CPNE4: variants seen among roughly 807,000 people sequenced by gnomAD.
CPNE4 encodes copine 4.
In CPNE4, 25 loss-of-function variants were observed where a neutral mutation model predicts 67.9. The observed-to-expected ratio is 0.37, with a 90% CI of 0.27 to 0.51. The LOEUF (loss-of-function observed/expected upper bound fraction) is 0.51, where lower values mean the gene tolerates loss of function less well. Ranked by LOEUF, CPNE4 falls within the 20% of genes least tolerant of loss-of-function variation. CPNE4 has a pLI of 0.93. For synonymous variants in CPNE4, 242 were observed against 244.9 expected (o/e 0.99, Z 0.11); for missense variants, 464 against 690.8 (o/e 0.67, Z 3.68).
intron 5 of CPNE4, among the ~76,000 whole-genome samples, chr3:131,692,126 T>C (rs1043780922): frequency 8.5e-5 from 13 of 152,138 alleles, no homozygotes; most frequent in African/African-American, 3.1e-4. Flanking sequence ...AAGAGGGTGA[T>C]AAGCAATTAG....
At position 131,643,845 on chromosome 3, in the gene CPNE4, G is replaced by A. The variant is rs977789136; in HGVS notation, c.681+25830C>T. Reference sequence around the variant, plus strand: ...TTGCTTGGCACTTCTCCTTGCTGCCGCCATGTGAAGAAGGACTTATTTGCC... The same window carrying A: ...TTGCTTGGCACTTCTCCTTGCTGCCACCATGTGAAGAAGGACTTATTTGCC... On this transcript the variant is annotated intron_variant, in intron 7 of 15. Transcript: ENST00000429747. Among the ~76,000 whole-genome samples the A allele has an allele frequency of 2.6e-5, 4 of 152,040 alleles. No individual in the cohort carries two copies. In the East Asian group the frequency reaches 5.8e-4, roughly 22 times the overall value.
At chr3:131,955,167 A>G (rs1285022410) in intron 1 of CPNE4, among the ~76,000 whole-genome samples, 1 of 151,660 alleles carries the variant, frequency 6.6e-6, no homozygotes, top group Non-Finnish European at 1.5e-5. Context: ...AAGGTAGATT[A>G]GTAGCAGTGG....
intron 7 of CPNE4, among the ~76,000 whole-genome samples, chr3:131,651,448 T>G (rs947243646): frequency 6.6e-6 from 1 of 152,234 alleles, no homozygotes; most frequent in African/African-American, 2.4e-5. Context: ...TACTATTTTG[T>G]TTTTCTCCTG....
chr3:131,597,659 A>C (rs985117798), intron 7 of CPNE4, among the ~76,000 whole-genome samples: 13 of 152,178 alleles, frequency 8.5e-5, no homozygotes, highest in Non-Finnish European at 1.6e-4. Flanking sequence ...TCTTGGCTTT[A>C]AAATTTTTAT....
rs201626382 is a variant in CPNE4, at chr3:131,777,532, GA to G, written c.181-53908del. Among the ~76,000 whole-genome samples the G allele has an allele frequency of 9.5e-3, 1,442 of 152,176 alleles. 20 individuals are homozygous for G. The highest frequency in any genetic ancestry group is 0.033 in the African/African-American group (1,369 of 41,534). On this transcript the variant is annotated intron_variant, in intron 2 of 15. Coordinates refer to ENST00000429747, the MANE Select transcript of CPNE4 (RefSeq NM_130808.3). Reference sequence around the variant, plus strand: ...CCTGCTGGAGGATGATCACATTGGAGAAAGAAGCTCAGAGGATCCCAGGAGA... The same window carrying G: ...CCTGCTGGAGGATGATCACATTGGAGAAGAAGCTCAGAGGATCCCAGGAGA...
chr3:131,641,404 T>C (rs1314839679), intron 7 of CPNE4, among the ~76,000 whole-genome samples: 1 of 151,972 alleles, frequency 6.6e-6, no homozygotes, highest in Non-Finnish European at 1.5e-5. Flanking sequence ...CCCAAGCATA[T>C]GGAAAAATGC....
chr3:132,017,220 A>G (rs1583602587), intron 1 of CPNE4, among the ~76,000 whole-genome samples: 1 of 152,170 alleles, frequency 6.6e-6, no homozygotes, highest in Non-Finnish European at 1.5e-5. Context: ...GAGCAGATGG[A>G]TATAAAGGAA....
chr3:131,696,581 A>G lies in CPNE4; in HGVS notation c.468T>C (p.Tyr156=), dbSNP rs1277792807. 1 of 1,614,066 alleles carries G rather than the reference A, an allele frequency of 6.2e-7. No individual in the cohort carries two copies. The highest frequency in any genetic ancestry group is 1.7e-5 in the Admixed American group (1 of 60,014). The change falls in exon 5 of 16, where the codon TAT becomes TAC. Residue 156 remains tyrosine (Y), a synonymous_variant. Coordinates refer to ENST00000429747, the MANE Select transcript of CPNE4 (RefSeq NM_130808.3). The part of the protein sequence containing the change: ...IAEELSGNDD[Y]VELAFNARKL... ...TCCGTGCATTGAATGCAAGCTCAACATAGTCGTCATTGCCAGATAATTCTT... is the reference window on the plus strand; with the variant it reads ...TCCGTGCATTGAATGCAAGCTCAACGTAGTCGTCATTGCCAGATAATTCTT...
chr3:131,940,788 A>T (rs2071362499), intron 1 of CPNE4, among the ~76,000 whole-genome samples: 1 of 152,150 alleles, frequency 6.6e-6, no homozygotes, highest in South Asian at 2.1e-4. Flanking sequence ...CCAGGAACAC[A>T]CAATTACAAG....
intron 2 of CPNE4, among the ~76,000 whole-genome samples, chr3:131,819,126 G>A (rs116538188): frequency 0.012 from 1,876 of 152,000 alleles, 21 homozygotes; most frequent in Admixed American, 0.019. Flanking sequence ...AACAAACCAG[G>A]CTTCAGACTC....
intron 6 of CPNE4, among the ~76,000 whole-genome samples, chr3:131,671,006 T>C (rs772278607): frequency 1.1e-4 from 17 of 152,192 alleles, no homozygotes; most frequent in Non-Finnish European, 2.4e-4. Flanking sequence ...CAGGCTGGTC[T>C]TGAACTACTG....
chr3:131,757,393 G>A (rs1303367662), intron 2 of CPNE4, among the ~76,000 whole-genome samples: 1 of 152,204 alleles, frequency 6.6e-6, no homozygotes, highest in Non-Finnish European at 1.5e-5. Context: ...GAGACTGGTG[G>A]CATTTTGCCC....
At chr3:131,741,912 C>G (rs143565314) in intron 2 of CPNE4, among the ~76,000 whole-genome samples, 4 of 152,090 alleles carry the variant, frequency 2.6e-5, no homozygotes, top group Admixed American at 2.6e-4. Context: ...AGTTCTTCCC[C>G]CATAAAAAGA....
At chr3:131,683,017 ACT>A in intron 6 of CPNE4, among the ~76,000 whole-genome samples, 1 of 151,908 alleles carries the variant, frequency 6.6e-6, no homozygotes, top group Non-Finnish European at 1.5e-5. Context: ...CAGGCATAGG[ACT>A]CTCTCTTCAG....
At chr3:131,959,553 G>C (rs1288770750) in intron 1 of CPNE4, among the ~76,000 whole-genome samples, 3 of 152,136 alleles carry the variant, frequency 2.0e-5, no homozygotes, top group Non-Finnish European at 2.9e-5. Flanking sequence ...TTCTTATCCA[G>C]GGACCACTGA....
chr3:131,723,381 G>A, intron 3 of CPNE4, 65 bp downstream of exon 3: 1 of 1,399,082 alleles, frequency 7.1e-7, no homozygotes, highest in Non-Finnish European at 1.0e-6. Flanking sequence ...AGGAAGAGAG[G>A]GAAAGGGGGC....
At chr3:131,851,143 G>T (rs1239186746) in intron 2 of CPNE4, among the ~76,000 whole-genome samples, 1 of 152,008 alleles carries the variant, frequency 6.6e-6, no homozygotes, top group Non-Finnish European at 1.5e-5. Context: ...ATGTATGTAT[G>T]TAAATACATA....
chr3:131,811,148 G>A (rs1293738312), intron 2 of CPNE4, among the ~76,000 whole-genome samples: 1 of 152,052 alleles, frequency 6.6e-6, no homozygotes, highest in Non-Finnish European at 1.5e-5. Context: ...TACTTGAAGT[G>A]TGTACAATAA....
At position 131,991,791 on chromosome 3, in the gene CPNE4, TG is replaced by T. The variant is rs1251339019; in HGVS notation, c.-2+42775del. Among the ~76,000 whole-genome samples, 2 of 134,998 alleles carry T rather than the reference TG, an allele frequency of 1.5e-5. 1 individual carries two copies. The highest frequency in any genetic ancestry group is 3.4e-5 in the Non-Finnish European group (2 of 59,496). The allele number at this position is 134,998 out of a possible 152,430, so 88.6% of individuals were successfully genotyped here. On this transcript the variant is annotated intron_variant, in intron 1 of 15. Coordinates refer to ENST00000429747, the MANE Select transcript of CPNE4 (RefSeq NM_130808.3). ...AGGAGGGAAAAATTGTTTCCTAGGC[TG>T]GGCCTCCTGCTCTGTGCAGCCTTAG...
Sources: gnomAD v4.1 joint callset for allele counts (sites outside exome capture counted in the v4.1 genomes callset) on GRCh38, gnomAD v4.1.1 for gene constraint, MANE v1.5 for transcripts, NCBI Gene and HGNC (gene_info 2026-07-23, HGNC 2026-07-21) for gene names.